Variants in LRRIQ3 observed in about 807,000 individuals in gnomAD.
LRRIQ3 encodes leucine rich repeats and IQ motif containing 3, also known as leucine-rich repeat and IQ domain-containing protein 3.
A neutral mutation model predicts 59.3 loss-of-function variants in LRRIQ3; 75 were observed. The ratio of observed to expected loss-of-function variants is 1.26; its 90% CI spans 1.05 to 1.53. The LOEUF (loss-of-function observed/expected upper bound fraction) is 1.53. Ranked by LOEUF, LRRIQ3 falls within the 40% of genes most tolerant of loss-of-function variation. The probability of loss-of-function intolerance (pLI) is 0.00; values close to 1 mark genes in which losing one functional copy is unlikely to be tolerated. For synonymous variants in LRRIQ3, 250 were observed against 231.3 expected, an observed-to-expected ratio of 1.08 and a Z score of -0.73; for missense variants, 831 against 710.0, an observed-to-expected ratio of 1.17 and a Z score of -1.94.
intron 4 of LRRIQ3, among the ~76,000 whole-genome samples, chr1:74,126,884 T>C (rs1451980999): frequency 6.6e-6 from 1 of 152,000 alleles, no homozygotes; most frequent in African/African-American, 2.4e-5. Flanking sequence ...TAATGTAGTC[T>C]AAGTCCAGTG....
At chr1:74,059,184 G>A (rs889837019) in intron 6 of LRRIQ3, among the ~76,000 whole-genome samples, 1 of 151,992 alleles carries the variant, frequency 6.6e-6, no homozygotes, top group Non-Finnish European at 1.5e-5. Flanking sequence ...GAAGCACAAA[G>A]TGGTTTATTT....
At chr1:74,087,381 C>CT (rs57068994) in intron 5 of LRRIQ3, among the ~76,000 whole-genome samples, 12 of 59,010 alleles carry the variant, frequency 2.0e-4, no homozygotes, top group Middle Eastern at 0.023. Context: ...AAAATTTTAT[C>CT]TTTTTTTTTT....
At chr1:74,070,977 T>C (rs1332025321) in intron 6 of LRRIQ3, among the ~76,000 whole-genome samples, 1 of 38,048 alleles carries the variant, frequency 2.6e-5, no homozygotes, top group Non-Finnish European at 1.0e-4. Context: ...TTTATATATA[T>C]CAATATATAT....
intron 1 of LRRIQ3, among the ~76,000 whole-genome samples, chr1:74,188,751 AC>A (rs1352291350): frequency 1.3e-5 from 2 of 152,092 alleles, no homozygotes; most frequent in African/African-American, 2.4e-5. Flanking sequence ...TCTTTCATAC[AC>A]ATGTCTGTCT....
At chr1:74,143,689 A>T (rs377535088) in intron 4 of LRRIQ3, among the ~76,000 whole-genome samples, 15 of 151,590 alleles carry the variant, frequency 9.9e-5, no homozygotes, top group Non-Finnish European at 1.3e-4. Flanking sequence ...ATTCAGAATT[A>T]CATAATTTAC....
At chr1:74,141,508 A>T (rs1282305320) in intron 4 of LRRIQ3, among the ~76,000 whole-genome samples, 1 of 151,858 alleles carries the variant, frequency 6.6e-6, no homozygotes, top group Non-Finnish European at 1.5e-5. Flanking sequence ...ATATTGTTTG[A>T]ATTGTTTCTA....
rs1259392180 is a variant in LRRIQ3 at position 74,109,392 on chromosome 1, A to G, written c.867+2T>C. ...TAAAAATAATAAACTAATTATACTT[A>G]CATGTTTCCAATATGCAAGCTTTCC... is the stretch of plus-strand genomic sequence containing the variant. On this transcript the variant is annotated splice_donor_variant, in intron 5 of 7. Coordinates refer to ENST00000354431, the MANE Select transcript of LRRIQ3 (RefSeq NM_001105659.2). LOFTEE classifies it high-confidence loss of function. 1 of 1,487,232 alleles carries G rather than the reference A, an allele frequency of 6.7e-7. No individual in the cohort carries two copies. Among genetic ancestry groups the G allele is most frequent in the South Asian group, 1.3e-5 (1 of 78,196 alleles). The allele number at this position is 1,487,232 out of a possible 1,614,324, so 92.1% of individuals were successfully genotyped here. A position where few individuals can be genotyped will look rare whatever the true frequency, so the allele number is the denominator to read the frequency against.
chr1:74,149,485 T>C (rs758963472), intron 4 of LRRIQ3, among the ~76,000 whole-genome samples: 1 of 152,212 alleles, frequency 6.6e-6, no homozygotes, highest in African/African-American at 2.4e-5. Context: ...CTCTTTCATA[T>C]CTGTAGACTT....
intron 4 of LRRIQ3, among the ~76,000 whole-genome samples, chr1:74,133,067 T>C (rs897027410): frequency 2.6e-5 from 4 of 152,070 alleles, no homozygotes; most frequent in Admixed American, 2.6e-4. Flanking sequence ...GAACAGACAC[T>C]TCTCAAAAGA....
chr1:74,155,641 A>G (rs1276163307), intron 4 of LRRIQ3, 92 bp downstream of exon 4: 4 of 1,268,672 alleles, frequency 3.2e-6, no homozygotes, highest in Non-Finnish European at 4.3e-6. Context: ...TAGAGAATAC[A>G]AAAATGCAAA....
At chr1:74,172,432 T>C (rs557099417) in intron 3 of LRRIQ3, among the ~76,000 whole-genome samples, 6 of 152,334 alleles carry the variant, frequency 3.9e-5, no homozygotes, top group South Asian at 4.1e-4. Flanking sequence ...TTTTATTCCA[T>C]TGTGCTTAGA....
At chr1:74,028,201 T>C (rs2100349016) in intron 7 of LRRIQ3, among the ~76,000 whole-genome samples, 1 of 152,064 alleles carries the variant, frequency 6.6e-6, no homozygotes, top group Non-Finnish European at 1.5e-5. Flanking sequence ...GAGAAACAAA[T>C]TTAGGCCAGA....
intron 6 of LRRIQ3, among the ~76,000 whole-genome samples, chr1:74,070,301 A>T (rs770733091): frequency 7.2e-5 from 11 of 152,124 alleles, no homozygotes; most frequent in Non-Finnish European, 1.3e-4. Context: ...CAGCCCCCAA[A>T]ATAATGAGAT....
intron 5 of LRRIQ3, 99 bp downstream of exon 5, chr1:74,109,295 A>T (rs762070698): frequency 1.2e-6 from 1 of 842,120 alleles, no homozygotes; most frequent in Non-Finnish European, 1.9e-6. Context: ...GTAATGAAGG[A>T]CATTTAATAG....
chr1:74,033,705 T>C (rs940464591), intron 7 of LRRIQ3, among the ~76,000 whole-genome samples: 20 of 151,780 alleles, frequency 1.3e-4, no homozygotes, highest in African/African-American at 4.6e-4. Flanking sequence ...ATGGCAGAAA[T>C]TGGATGGAGA....
chr1:74,092,085 A>G (rs1646400518), intron 5 of LRRIQ3, among the ~76,000 whole-genome samples: 1 of 152,026 alleles, frequency 6.6e-6, no homozygotes, highest in Non-Finnish European at 1.5e-5. Context: ...AAGTTCCCTC[A>G]CACTTTTATT....
chr1:74,133,627 C>A (rs1350351555), intron 4 of LRRIQ3, among the ~76,000 whole-genome samples: 1 of 151,140 alleles, frequency 6.6e-6, no homozygotes, highest in Admixed American at 6.6e-5. Flanking sequence ...AAACCAAACA[C>A]CGCATGTTCT....
intron 1 of LRRIQ3, among the ~76,000 whole-genome samples, chr1:74,196,430 G>T (rs1295306516): frequency 6.6e-6 from 1 of 152,182 alleles, no homozygotes; most frequent in East Asian, 1.9e-4. Flanking sequence ...TCTTCTTGCT[G>T]ACAATTCCCA....
chr1:74,066,389 C>T (rs1654867369), intron 6 of LRRIQ3, among the ~76,000 whole-genome samples: 1 of 151,872 alleles, frequency 6.6e-6, no homozygotes, highest in Non-Finnish European at 1.5e-5. Flanking sequence ...CCCCTATGGG[C>T]TTCCATTTCT....
Sources: allele counts gnomAD v4.1 joint callset (sites outside exome capture counted in the v4.1 genomes callset), GRCh38; gene constraint gnomAD v4.1.1; transcripts MANE v1.5; gene names NCBI Gene and HGNC (gene_info 2026-07-23, HGNC 2026-07-21).